Variants in MMS22L observed in about 807,000 individuals in gnomAD.
MMS22L encodes the protein protein MMS22-like.
Under a neutral mutation model 159.1 loss-of-function variants are expected in MMS22L, and 74 were observed. That is an observed-to-expected ratio of 0.47 (90% CI 0.39 to 0.56). The LOEUF (loss-of-function observed/expected upper bound fraction) is 0.56, where lower values mean the gene tolerates loss of function less well. Ranked by LOEUF, MMS22L falls within the 20% of genes least tolerant of loss-of-function variation. The pLI is 0.00. For synonymous variants in MMS22L, 517 were observed against 506.9 expected, an observed-to-expected ratio of 1.02 and a Z score of -0.27; for missense variants, 1,351 against 1,422.1, an observed-to-expected ratio of 0.95 and a Z score of 0.80.
chr6:97,259,020 C>T (rs917465327), intron 9 of MMS22L: 2 of 152,142 alleles, frequency 1.3e-5, no homozygotes, highest in Non-Finnish European at 2.9e-5. Context: ...AACCCTTCCA[C>T]TCCATTTTCA....
chr6:97,158,827 C>T (rs2128239477), intron 22 of MMS22L, among the ~76,000 whole-genome samples: 1 of 152,270 alleles, frequency 6.6e-6, no homozygotes, highest in South Asian at 2.1e-4. Context: ...TCTATTAGGT[C>T]TGCTTGGTCC....
intron 15 of MMS22L, among the ~76,000 whole-genome samples, chr6:97,182,297 T>C (rs192501198): frequency 9.8e-4 from 150 of 152,298 alleles, no homozygotes; most frequent in Admixed American, 1.9e-3. Flanking sequence ...TGCATTATCA[T>C]TACAGATCTA....
At chr6:97,280,476 A>C (rs1177928643) in intron 3 of MMS22L, among the ~76,000 whole-genome samples, 1 of 151,820 alleles carries the variant, frequency 6.6e-6, no homozygotes, top group Non-Finnish European at 1.5e-5. Flanking sequence ...GGGATTACAG[A>C]CGCATGCCAT....
intron 14 of MMS22L, among the ~76,000 whole-genome samples, chr6:97,225,126 G>T (rs998389381): frequency 2.6e-5 from 4 of 152,088 alleles, no homozygotes; most frequent in African/African-American, 7.2e-5. Context: ...ACTCTTTCAA[G>T]AATGTAAGAA....
At chr6:97,255,840 A>G (rs939605807) in intron 9 of MMS22L, among the ~76,000 whole-genome samples, 6 of 152,158 alleles carry the variant, frequency 3.9e-5, no homozygotes, top group African/African-American at 1.4e-4. Flanking sequence ...GCAAATTTAA[A>G]TTTATCCCTG....
At position 97,145,383 on chromosome 6, in the gene MMS22L, A is replaced by G. The variant is rs1406319045; in HGVS notation, c.*1423T>C. The G allele has an allele frequency of 3.9e-5, 6 of 152,202 alleles. No individual in the cohort carries two copies. The highest frequency in any genetic ancestry group is 1.3e-4 in the Admixed American group (2 of 15,278). The allele number at this position is 152,202 out of a possible 1,614,324, so 9.4% of individuals were successfully genotyped here. ...ATTGCAAAGTATTTCATTTTTAAAG[A>G]TACTCCTTGAGCCAGAGAAGGGTTG... On this transcript the variant is annotated 3_prime_UTR_variant, in exon 25 of 25. Coordinates refer to ENST00000683635, the MANE Select transcript of MMS22L (RefSeq NM_001350599.2).
intron 9 of MMS22L, among the ~76,000 whole-genome samples, chr6:97,258,220 T>C (rs1433813146): frequency 6.6e-6 from 1 of 152,220 alleles, no homozygotes; most frequent in African/African-American, 2.4e-5. Flanking sequence ...AAAAGTGAGG[T>C]AAAATAAAGC....
chr6:97,213,612 C>T (rs947402230), intron 14 of MMS22L, among the ~76,000 whole-genome samples: 1 of 152,050 alleles, frequency 6.6e-6, no homozygotes, highest in Non-Finnish European at 1.5e-5. Flanking sequence ...GTTTCATCTT[C>T]TACTACATAT....
At chr6:97,271,731 G>C (rs759254146) in intron 6 of MMS22L, 1 of 152,146 alleles carries the variant, frequency 6.6e-6, no homozygotes, top group East Asian at 1.9e-4. Context: ...GAATGCAGTG[G>C]TGCAATCATG....
chr6:97,199,034 T>G (rs2128297379), intron 14 of MMS22L, among the ~76,000 whole-genome samples: 1 of 152,274 alleles, frequency 6.6e-6, no homozygotes, highest in South Asian at 2.1e-4. Context: ...AAAAACTAGC[T>G]TAGCTCTCAC....
chr6:97,217,304 G>T (rs1809118877), intron 14 of MMS22L, among the ~76,000 whole-genome samples: 1 of 152,058 alleles, frequency 6.6e-6, no homozygotes, highest in Non-Finnish European at 1.5e-5. Flanking sequence ...GGAGTGCAAT[G>T]GCGCATTCTC....
At chr6:97,179,617 T>G in intron 16 of MMS22L, 58 bp from the exon 17 acceptor site, 32 of 1,227,140 alleles carry the variant, frequency 2.6e-5, no homozygotes, top group Non-Finnish European at 3.2e-5. Context: ...AGTATAGAGA[T>G]TAAGAAGTAA....
intron 8 of MMS22L, chr6:97,264,847 A>G (rs1814914083): frequency 1.3e-5 from 2 of 152,078 alleles, no homozygotes; most frequent in Admixed American, 1.3e-4. Flanking sequence ...CAAAGAGTAA[A>G]AGGCCTATAC....
At chr6:97,203,624 G>T (rs1807422137) in intron 14 of MMS22L, among the ~76,000 whole-genome samples, 1 of 152,160 alleles carries the variant, frequency 6.6e-6, no homozygotes, top group Admixed American at 6.5e-5. Context: ...GCAAACCACT[G>T]AGGAGGCAGC....
At chr6:97,242,710 T>G (rs1012142608) in intron 11 of MMS22L, among the ~76,000 whole-genome samples, 1 of 152,150 alleles carries the variant, frequency 6.6e-6, no homozygotes, top group Non-Finnish European at 1.5e-5. Flanking sequence ...AAGAGGTTTG[T>G]TTGGTATATT....
rs766940135 is a variant in MMS22L at position 97,144,855 on chromosome 6, TTTG to T, written c.*1948_*1950del. On this transcript the variant is annotated 3_prime_UTR_variant, in exon 25 of 25. Coordinates refer to ENST00000683635, the MANE Select transcript of MMS22L (RefSeq NM_001350599.2). ...AATACACACACATATTGTTACACAC[TTTG>T]TTGTTACCATTCTTAAGTACAAATT... is the stretch of plus-strand genomic sequence containing the variant. 2.0e-5 allele frequency: 3 copies of T among 151,966 alleles called. No individual in the cohort carries two copies. Among genetic ancestry groups the T allele is most frequent in the Non-Finnish European group, 4.4e-5 (3 of 67,972 alleles). 9.4% of individuals were successfully genotyped at this position (151,966 alleles called of 1,614,324 possible). A position where few individuals can be genotyped will look rare whatever the true frequency, so the allele number is the denominator to read the frequency against.
intron 6 of MMS22L, 46 bp downstream of exon 6, chr6:97,272,658 G>C: frequency 4.0e-6 from 6 of 1,507,836 alleles, no homozygotes; most frequent in Non-Finnish European, 4.5e-6. Flanking sequence ...ACTCCTTGTG[G>C]GGAGAAAAAG....
At chr6:97,262,413 G>T (rs952053196) in intron 9 of MMS22L, among the ~76,000 whole-genome samples, 1 of 152,030 alleles carries the variant, frequency 6.6e-6, no homozygotes, top group Non-Finnish European at 1.5e-5. Flanking sequence ...GGGAGGCCAA[G>T]GCAGGCAGAT....
chr6:97,273,130 G>C (rs951708926), intron 4 of MMS22L, 68 bp from the exon 5 acceptor site: 8 of 1,254,492 alleles, frequency 6.4e-6, no homozygotes, highest in Non-Finnish European at 1.1e-6. Context: ...AAAAAATGTT[G>C]TAAGCCATAC....
Sources: allele counts gnomAD v4.1 joint callset (sites outside exome capture counted in the v4.1 genomes callset), GRCh38; gene constraint gnomAD v4.1.1; transcripts MANE v1.5; gene names NCBI Gene and HGNC (gene_info 2026-07-23, HGNC 2026-07-21).